The following TNRC6B variants were observed in gnomAD, a reference collection of about 807,000 sequenced individuals.
TNRC6B encodes the protein trinucleotide repeat-containing gene 6B protein.
Under a neutral mutation model 203.6 loss-of-function variants are expected in TNRC6B, and 52 were observed. The observed-to-expected ratio is 0.26, with a 90% CI of 0.20 to 0.32. The LOEUF (loss-of-function observed/expected upper bound fraction) is 0.32. Among genes scored for constraint, TNRC6B ranks in the 10% least tolerant of loss-of-function variants. The pLI, the probability that TNRC6B is intolerant of heterozygous loss-of-function variation, is 1.00. For missense variants in TNRC6B, 1,923 were observed against 2,286.2 expected, an observed-to-expected ratio of 0.84 and a Z score of 3.24; for synonymous variants, 838 against 845.7, an observed-to-expected ratio of 0.99 and a Z score of 0.16.
intron 1 of TNRC6B, among the ~76,000 whole-genome samples, chr22:40,225,188 G>T (rs747491511): frequency 6.6e-6 from 1 of 152,202 alleles, no homozygotes; most frequent in African/African-American, 2.4e-5. Flanking sequence ...TAGCAGGGGA[G>T]CACCTTGGAA....
chr22:40,315,356 G>A lies in TNRC6B; in HGVS notation c.4752G>A (p.Lys1584=), dbSNP rs781409193. ...ACAACCCCACTCATCTCTCCAACAA[G>A]ATGTGGAAAAACCATATTTCCTCCA... ...IGHNPTHLSN[K]MWKNHISSRN... Residue 1584 remains lysine, a synonymous_variant, in exon 20 of 23, where the codon AAG becomes AAA. Transcript: ENST00000454349. 6.8e-6 allele frequency: 11 copies of A among 1,613,934 alleles called. No individual in the cohort carries two copies. The South Asian group carries it at 1.1e-4, about 16-fold the overall frequency.
At chr22:40,246,338 C>T (rs906158130) in intron 2 of TNRC6B, 17 of 259,518 alleles carry the variant, frequency 6.6e-5, no homozygotes, top group East Asian at 4.0e-4. Flanking sequence ...TACAGGTGCA[C>T]GCCACCACGC....
intron 1 of TNRC6B, among the ~76,000 whole-genome samples, chr22:40,087,907 C>G (rs2068114064): frequency 6.6e-6 from 1 of 152,086 alleles, no homozygotes; most frequent in Non-Finnish European, 1.5e-5. Flanking sequence ...GACTAGAGAC[C>G]AGACATAATA....
chr22:40,291,406 G>A (rs2070867911), intron 12 of TNRC6B, among the ~76,000 whole-genome samples: 2 of 151,924 alleles, frequency 1.3e-5, no homozygotes, highest in Admixed American at 1.3e-4. Flanking sequence ...AAAAAGACAA[G>A]ATAACCACAC....
At chr22:40,106,656 C>T (rs1359429776) in intron 1 of TNRC6B, 4 of 749,592 alleles carry the variant, frequency 5.3e-6, no homozygotes, top group Non-Finnish European at 9.8e-6. Context: ...ATATATGACT[C>T]TACAATCCTC....
Position 40,321,161 on chromosome 22 carries a change from C to T in TNRC6B, c.5046C>T (p.Thr1682=). The T allele has an allele frequency of 1.2e-6, 2 of 1,613,958 alleles. No homozygotes were observed. Among genetic ancestry groups the T allele is most frequent in the Non-Finnish European group, 1.7e-6 (2 of 1,179,880 alleles). ...GPLLTFHLNL[T]QGTALIRYST... is the part of the protein sequence containing the mutation. ...TGCTGACATTCCATCTGAATCTAAC[C>T]CAGGGCACTGCCCTGATCCGATACA... is the stretch of plus-strand genomic sequence containing the variant. Residue 1682 remains threonine (T), a synonymous_variant, in exon 22 of 23, where the codon ACC becomes ACT. Transcript: ENST00000454349.
At chr22:40,235,606 C>T (rs1233896690) in intron 1 of TNRC6B, among the ~76,000 whole-genome samples, 1 of 152,158 alleles carries the variant, frequency 6.6e-6, no homozygotes, top group Non-Finnish European at 1.5e-5. Context: ...GATGAAGATA[C>T]TACCACGAAG....
intron 5 of TNRC6B, 72 bp from the exon 6 acceptor site, chr22:40,270,050 A>T: frequency 6.7e-7 from 1 of 1,483,610 alleles, no homozygotes; most frequent in South Asian, 1.2e-5. Context: ...TGTTCCTTCC[A>T]CCTTCACCCC....
At chr22:40,166,894 C>A (rs200470815) in intron 4 of TNRC6B, among the ~76,000 whole-genome samples, 238 of 136,272 alleles carry the variant, frequency 1.7e-3, no homozygotes, top group Middle Eastern at 3.8e-3. Context: ...GACTTTGTCT[C>A]AAAAAAAAAA....
Position 40,264,495 on chromosome 22 carries a change from T to G in TNRC6B, c.458-193T>G, listed in dbSNP as rs1025389405. Among the ~76,000 whole-genome samples, 3 of 152,156 alleles carry G rather than the reference T, an allele frequency of 2.0e-5. No homozygotes were observed. In the South Asian group the frequency reaches 6.2e-4, roughly 32 times the overall value. Reference sequence around the variant, plus strand: ...AGCTTTGAGAGAGATGAAGTTAGACTTAACCGGTGTAACACAAGGCAAATG... The same window carrying G: ...AGCTTTGAGAGAGATGAAGTTAGACGTAACCGGTGTAACACAAGGCAAATG... On this transcript the variant is annotated intron_variant, in intron 4 of 22. Transcript: ENST00000454349.
Position 40,329,211 on chromosome 22 carries a change from A to C in TNRC6B, c.*5970A>C, listed in dbSNP as rs2071438255. ...AGGGAACTCACAAACCCTGCTGCGC[A>C]CTACATTTACTTCTTTATCTGCAAG... On this transcript the variant is annotated 3_prime_UTR_variant, in exon 23 of 23. Transcript: ENST00000454349. 6.6e-6 allele frequency: 1 copy of C among 152,258 alleles called. No individual in the cohort carries two copies. The highest frequency in any genetic ancestry group is 6.5e-5 in the Admixed American group (1 of 15,286). The allele number at this position is 152,258 out of a possible 1,614,324, so 9.4% of individuals were successfully genotyped here. A position where few individuals can be genotyped will look rare whatever the true frequency, so the allele number is the denominator to read the frequency against.
At chr22:40,217,577 A>C (rs1040702992) in intron 1 of TNRC6B, among the ~76,000 whole-genome samples, 15 of 152,340 alleles carry the variant, frequency 9.8e-5, no homozygotes, top group Admixed American at 4.6e-4. Flanking sequence ...TACACATCCA[A>C]ATCCATGTTG....
intron 1 of TNRC6B, among the ~76,000 whole-genome samples, chr22:40,064,028 T>C (rs937512826): frequency 6.6e-6 from 1 of 152,222 alleles, no homozygotes; most frequent in South Asian, 2.1e-4. Flanking sequence ...TATAATTGTT[T>C]TCACAATTTT....
At chr22:40,161,576 A>G (rs918102087) in intron 4 of TNRC6B, among the ~76,000 whole-genome samples, 2 of 152,248 alleles carry the variant, frequency 1.3e-5, no homozygotes, top group Non-Finnish European at 2.9e-5. Context: ...GAGGCAGATT[A>G]GGTAGCTGTA....
chr22:40,291,372 T>C (rs2070867341), intron 12 of TNRC6B, among the ~76,000 whole-genome samples: 1 of 151,950 alleles, frequency 6.6e-6, no homozygotes, highest in Non-Finnish European at 1.5e-5. Context: ...GTGACAGTGA[T>C]ATCCTGTCTT....
rs756079005 is a variant in TNRC6B at position 40,278,059 on chromosome 22, G to A, written c.3262+15G>A. ...TTTGTCTGTAGGTGTGTATCACTCC[G>A]CTGAAAAGAATGGAGTATATCAGTG... On this transcript the variant is annotated intron_variant, in intron 9 of 22. Transcript: ENST00000454349. 31 of 1,554,248 alleles carry A rather than the reference G, an allele frequency of 2.0e-5. No homozygotes were observed. Among genetic ancestry groups the A allele is most frequent in the Admixed American group, 5.8e-5 (3 of 51,488 alleles).
chr22:40,070,813 C>T, intron 1 of TNRC6B, among the ~76,000 whole-genome samples: 1 of 151,784 alleles, frequency 6.6e-6, no homozygotes, highest in Admixed American at 6.6e-5. Flanking sequence ...ATGCACTTAC[C>T]ATATGTTATA....
chr22:40,180,746 C>CT (rs2069119843), intron 1 of TNRC6B, among the ~76,000 whole-genome samples: 2 of 152,202 alleles, frequency 1.3e-5, no homozygotes, highest in Non-Finnish European at 2.9e-5. Context: ...GCTTTAAAAA[C>CT]TTTAAAGATG....
At chr22:40,268,588 A>G (rs1188214457) in intron 5 of TNRC6B, among the ~76,000 whole-genome samples, 1 of 152,122 alleles carries the variant, frequency 6.6e-6, no homozygotes, top group Non-Finnish European at 1.5e-5. Context: ...AAAACCTTCA[A>G]ACTGTGTGGA....
Sources: allele counts gnomAD v4.1 joint callset (sites outside exome capture counted in the v4.1 genomes callset), GRCh38; gene constraint gnomAD v4.1.1; transcripts MANE v1.5; gene names NCBI Gene and HGNC (gene_info 2026-07-23, HGNC 2026-07-21).